The following PPP2R5E variants were observed in gnomAD, a reference collection of about 807,000 sequenced individuals.
The protein encoded by PPP2R5E is protein phosphatase 2 regulatory subunit B'epsilon.
In PPP2R5E, 4 loss-of-function variants were observed where a neutral mutation model predicts 65.3. The ratio of observed to expected loss-of-function variants is 0.06; its 90% CI spans 0.03 to 0.14. PPP2R5E has a LOEUF of 0.14. Ranked by LOEUF, PPP2R5E falls within the 10% of genes least tolerant of loss-of-function variation. The pLI is 1.00. For missense variants in PPP2R5E, 274 were observed against 556.1 expected (o/e 0.49, Z 5.10); for synonymous variants, 183 against 187.4 (o/e 0.98, Z 0.19).
intron 5 of PPP2R5E, among the ~76,000 whole-genome samples, chr14:63,407,615 C>A (rs373033665): frequency 2.6e-5 from 4 of 152,118 alleles, no homozygotes; most frequent in Admixed American, 6.5e-5. Flanking sequence ...CACATAATCA[C>A]CCCCTTCCAG....
At chr14:63,488,274 T>C (rs920686211) in intron 2 of PPP2R5E, among the ~76,000 whole-genome samples, 20 of 152,044 alleles carry the variant, frequency 1.3e-4, no homozygotes, top group Non-Finnish European at 2.4e-4. Context: ...CATTGCTCAC[T>C]GCAGCCTCAA....
At chr14:63,467,149 C>A (rs750601288) in intron 2 of PPP2R5E, among the ~76,000 whole-genome samples, 9 of 149,962 alleles carry the variant, frequency 6.0e-5, no homozygotes, top group Non-Finnish European at 1.2e-4. Context: ...TGGCATGGAC[C>A]TGGGAGGCGG....
intron 2 of PPP2R5E, among the ~76,000 whole-genome samples, chr14:63,512,459 T>G (rs2139701071): frequency 6.6e-6 from 1 of 152,346 alleles, no homozygotes; most frequent in African/African-American, 2.4e-5. Context: ...ATACAAAGGC[T>G]TAATGTGATG....
At position 63,522,929 on chromosome 14, in the gene PPP2R5E, C is replaced by T. The variant is rs1464056003; in HGVS notation, c.157+16600G>A. 2.3e-4 allele frequency among the ~76,000 whole-genome samples: 33 copies of T among 146,404 alleles called. 1 individual carries two copies. The highest frequency in any genetic ancestry group is 7.2e-4 in the African/African-American group (28 of 38,932). ...GAGGTCGGGGGGTCAGCCCTCTACC[C>T]GGCCAGCCGCCCCGTCCGGGAGGGA... On this transcript the variant is annotated intron_variant, in intron 2 of 13. Coordinates refer to ENST00000337537, the MANE Select transcript of PPP2R5E (RefSeq NM_006246.5).
At chr14:63,440,798 AATT>A in intron 3 of PPP2R5E, among the ~76,000 whole-genome samples, 1 of 150,788 alleles carries the variant, frequency 6.6e-6, no homozygotes, top group Non-Finnish European at 1.5e-5. Context: ...AAAAAAAAAA[AATT>A]AGCTGGGCGT....
At chr14:63,442,474 C>G (rs899151610) in intron 3 of PPP2R5E, among the ~76,000 whole-genome samples, 2 of 150,398 alleles carry the variant, frequency 1.3e-5, no homozygotes, top group African/African-American at 4.9e-5. Flanking sequence ...CAAATTCTGG[C>G]CAGGATGTAT....
intron 2 of PPP2R5E, among the ~76,000 whole-genome samples, chr14:63,505,740 C>T (rs1892131575): frequency 6.6e-6 from 1 of 152,190 alleles, no homozygotes; most frequent in Admixed American, 6.5e-5. Flanking sequence ...TGCATTCATT[C>T]AGGCAACATT....
In PPP2R5E at chr14:63,536,787, C is replaced by T. The variant is rs140822169; in HGVS notation, c.157+2742G>A. 2.8e-4 allele frequency among the ~76,000 whole-genome samples: 42 copies of T among 152,274 alleles called. No homozygotes were observed. In the East Asian group the frequency reaches 6.4e-3, roughly 23 times the overall value. ...GCCAGTCACAAAAAGACAAATATTG[C>T]ATGGCATCACTTATAGGAGGTACCT... On this transcript the variant is annotated intron_variant, in intron 2 of 13. Transcript: ENST00000337537.
At chr14:63,384,614 CAAAGAT>C (rs755987621) in intron 11 of PPP2R5E, 43 bp from the exon 12 acceptor site, 19 of 1,514,074 alleles carry the variant, frequency 1.3e-5, no homozygotes, top group Admixed American at 2.1e-5. Flanking sequence ...GAGAAAAAGA[CAAAGAT>C]AAAACAAAAT....
rs1237305969 is a variant in PPP2R5E at position 63,453,716 on chromosome 14, C to T, written c.327G>A (p.Glu109=). 4 of 1,613,880 alleles carry T rather than the reference C, an allele frequency of 2.5e-6. No homozygotes were observed. The highest frequency in any genetic ancestry group is 3.4e-6 in the Non-Finnish European group (4 of 1,179,960). The stretch of plus-strand genomic sequence containing the variant: ...TTCTAACTACTTCAGGGTAAGTCTG[C>T]TCTGTCAAACAGCCTCTGCTTATTG... ...YITISRGCLT[E]QTYPEVVRMV... Residue 109 remains glutamate, a synonymous_variant, in exon 3 of 14, where the codon GAG becomes GAA. Transcript: ENST00000337537.
chr14:63,374,634 G>GATATATGTATATATATATATATAT lies in PPP2R5E; in HGVS notation c.*1374_*1375insATATATATATATATATACATATAT, dbSNP rs1883876737. ...TAAATACAAAGCAGAGAGCCAATAA[G>GATATATGTATATATATATATATAT]ATATATATATATATATATATATATA... On this transcript the variant is annotated 3_prime_UTR_variant, in exon 14 of 14. Transcript: ENST00000337537. 9.1e-6 allele frequency: 1 copy of GATATATGTATATATATATATATAT among 109,598 alleles called. No homozygotes were observed. The highest frequency in any genetic ancestry group is 4.8e-5 in the African/African-American group (1 of 20,648). 6.8% of individuals were successfully genotyped at this position (109,598 alleles called of 1,614,324 possible).
intron 2 of PPP2R5E, among the ~76,000 whole-genome samples, chr14:63,455,065 T>G (rs375778899): frequency 6.6e-6 from 1 of 152,248 alleles, no homozygotes. Flanking sequence ...GCAGTCATCC[T>G]CAGTTGCCAG....
chr14:63,446,468 A>G (rs1330802283), intron 3 of PPP2R5E, among the ~76,000 whole-genome samples: 1 of 152,184 alleles, frequency 6.6e-6, no homozygotes, highest in Non-Finnish European at 1.5e-5. Flanking sequence ...CTTAAATAAT[A>G]AGACTTGAAA....
At position 63,371,755 on chromosome 14, in the gene PPP2R5E, CT is replaced by C. The variant is rs1351293701; in HGVS notation, c.*4253del. The C allele has an allele frequency of 6.6e-6, 1 of 152,056 alleles. No individual in the cohort carries two copies. Among genetic ancestry groups the C allele is most frequent in the Non-Finnish European group, 1.5e-5 (1 of 67,998 alleles). The allele number at this position is 152,056 out of a possible 1,614,324, so 9.4% of individuals were successfully genotyped here. A position where few individuals can be genotyped will look rare whatever the true frequency, so the allele number is the denominator to read the frequency against. ...GCTGTTTAAAAAAACACACACACAGCTAAATTTAAAACCGATCATGAACCAC... is the reference window on the plus strand; with the variant it reads ...GCTGTTTAAAAAAACACACACACAGCAAATTTAAAACCGATCATGAACCAC... On this transcript the variant is annotated 3_prime_UTR_variant, in exon 14 of 14. Transcript: ENST00000337537.
At chr14:63,433,639 C>T (rs756908421) in intron 3 of PPP2R5E, among the ~76,000 whole-genome samples, 138 of 151,902 alleles carry the variant, frequency 9.1e-4, no homozygotes, top group Non-Finnish European at 2.5e-4. Flanking sequence ...CGTAATGTCC[C>T]CAAGTCCAGA....
At chr14:63,443,412 T>C (rs193119044) in intron 3 of PPP2R5E, among the ~76,000 whole-genome samples, 14 of 152,210 alleles carry the variant, frequency 9.2e-5, no homozygotes, top group South Asian at 2.1e-4. Context: ...TGTGACAAGG[T>C]TGAACACTTT....
intron 12 of PPP2R5E, among the ~76,000 whole-genome samples, chr14:63,383,111 G>C (rs370323027): frequency 6.6e-6 from 1 of 152,272 alleles, no homozygotes. Context: ...CAGCTAAACA[G>C]CCAAAATGGT....
intron 3 of PPP2R5E, among the ~76,000 whole-genome samples, chr14:63,431,551 A>C (rs1416643927): frequency 6.6e-6 from 1 of 152,140 alleles, no homozygotes; most frequent in Non-Finnish European, 1.5e-5. Context: ...TTGCATGATA[A>C]GAACTATCTG....
At chr14:63,493,315 A>G (rs954779719) in intron 2 of PPP2R5E, among the ~76,000 whole-genome samples, 10 of 151,726 alleles carry the variant, frequency 6.6e-5, no homozygotes, top group Admixed American at 3.9e-4. Flanking sequence ...AGCTAATCAG[A>G]TAACTATTTA....
Sources: allele counts gnomAD v4.1 joint callset (sites outside exome capture counted in the v4.1 genomes callset), GRCh38; gene constraint gnomAD v4.1.1; transcripts MANE v1.5; gene names NCBI Gene and HGNC (gene_info 2026-07-23, HGNC 2026-07-21).